FANCI: variants seen among roughly 807,000 people sequenced by gnomAD.
FANCI encodes FA complementation group I.
Under a neutral mutation model 176.1 loss-of-function variants are expected in FANCI, and 156 were observed. The ratio of observed to expected loss-of-function variants is 0.89; its 90% CI spans 0.78 to 1.01. FANCI has a LOEUF of 1.01. Ranked by LOEUF, FANCI falls within the 50% of genes least tolerant of loss-of-function variation. The pLI, the probability that FANCI is intolerant of heterozygous loss-of-function variation, is 0.00. For missense variants in FANCI, 1,678 were observed against 1,534.1 expected, an observed-to-expected ratio of 1.09 and a Z score of -1.57; for synonymous variants, 613 against 541.7, an observed-to-expected ratio of 1.13 and a Z score of -1.83.
In FANCI at chr15:89,293,149, T is replaced by TA. The variant is rs2054128546; in HGVS notation, c.2291+89dup. ...TTTACTGTAGCAGTATTCTAGGCAG[T>TA]AAACAGACCACAGACGATGACACTG... On this transcript the variant is annotated intron_variant, in intron 22 of 37. Coordinates refer to ENST00000310775, the MANE Select transcript of FANCI (RefSeq NM_001113378.2). The TA allele has an allele frequency of 6.3e-6, 9 of 1,424,820 alleles. No individual in the cohort carries two copies. The East Asian group carries it at 1.4e-4, about 22-fold the overall frequency. The allele number at this position is 1,424,820 out of a possible 1,614,324, so 88.3% of individuals were successfully genotyped here.
chr15:89,260,654 C>T (rs2052675242), intron 3 of FANCI, 59 bp from the exon 4 acceptor site: 18 of 1,596,406 alleles, frequency 1.1e-5, no homozygotes, highest in Non-Finnish European at 1.5e-5. Context: ...GTTCGTTTTT[C>T]CTATTTACCT....
intron 3 of FANCI, chr15:89,259,048 G>C: frequency 2.4e-6 from 1 of 422,708 alleles, no homozygotes; most frequent in Non-Finnish European, 4.4e-6. Flanking sequence ...TGGTTTACTT[G>C]TGCTTTTAAG....
At position 89,316,651 on chromosome 15, in the gene FANCI, C is replaced by T. The variant is rs770839560; in HGVS notation, c.*192C>T. 7.9e-5 allele frequency: 96 copies of T among 1,210,068 alleles called. No homozygotes were observed. The highest frequency in any genetic ancestry group is 1.1e-4 in the Non-Finnish European group (91 of 815,882). 75.0% of individuals were successfully genotyped at this position (1,210,068 alleles called of 1,614,324 possible). On this transcript the variant is annotated 3_prime_UTR_variant, in exon 38 of 38. Transcript: ENST00000310775. ...CTACTGAAAAATGGCTGGCCTTAGG[C>T]AAGCCCTTTTGCAAAAAGCACAGCT... is the stretch of plus-strand genomic sequence containing the variant.
At chr15:89,262,401 A>G (rs8040654) in intron 6 of FANCI, among the ~76,000 whole-genome samples, 56,731 of 151,930 alleles carry the variant, frequency 0.37, 10,724 homozygotes, top group Non-Finnish European at 0.39. Flanking sequence ...TGACCAGTAT[A>G]AGCATACAGT....
In FANCI at chr15:89,315,318, C is replaced by G; in HGVS notation, c.3853C>G (p.Arg1285Gly). ...GCAGCACATGAAGCTCAGCACCTCA[C>G]GAGACTTCAAGATCAAAGGAAACAT... ...LMQHMKLSTSRDFKIKGNILD... is the reference protein window; with the variant it reads ...LMQHMKLSTSGDFKIKGNILD... The change falls in exon 37 of 38, where the codon CGA becomes GGA. Residue 1285 changes from arginine to glycine, a missense_variant. Transcript: ENST00000310775. The G allele has an allele frequency of 6.2e-7, 1 of 1,613,936 alleles. No homozygotes were observed. Among genetic ancestry groups the G allele is most frequent in the Non-Finnish European group, 8.5e-7 (1 of 1,179,850 alleles).
intron 34 of FANCI, among the ~76,000 whole-genome samples, chr15:89,312,258 G>A (rs2054992973): frequency 6.6e-6 from 1 of 152,100 alleles, no homozygotes; most frequent in Non-Finnish European, 1.5e-5. Context: ...GAATATTCCT[G>A]CTACCACCTT....
intron 3 of FANCI, among the ~76,000 whole-genome samples, chr15:89,259,995 C>A (rs1040808796): frequency 6.6e-6 from 1 of 151,872 alleles, no homozygotes; most frequent in African/African-American, 2.4e-5. Context: ...GGATATATAT[C>A]TAGGAGTGGA....
intron 25 of FANCI, 81 bp from the exon 26 acceptor site, chr15:89,300,219 C>G (rs1555448905): frequency 1.4e-6 from 2 of 1,386,194 alleles, no homozygotes; most frequent in East Asian, 4.8e-5. Flanking sequence ...TTTTTTTTGG[C>G]TTTCAAAAAT....
At chr15:89,297,126 G>A (rs1295772482) in intron 24 of FANCI, among the ~76,000 whole-genome samples, 3 of 150,632 alleles carry the variant, frequency 2.0e-5, no homozygotes, top group Non-Finnish European at 3.0e-5. Context: ...CAGACGGGGC[G>A]GCTGCCGGGC....
intron 18 of FANCI, among the ~76,000 whole-genome samples, chr15:89,286,993 T>C (rs1003712157): frequency 6.8e-6 from 1 of 146,548 alleles, no homozygotes; most frequent in African/African-American, 2.6e-5. Flanking sequence ...TTTTTTTTTT[T>C]TTTTTGAGTC....
intron 35 of FANCI, 69 bp from the exon 36 acceptor site, chr15:89,314,543 G>T: frequency 1.7e-6 from 2 of 1,156,006 alleles, no homozygotes. Flanking sequence ...TTTTGTAAGT[G>T]ACAGCTTCAG....
chr15:89,299,848 G>A lies in FANCI; in HGVS notation c.2685G>A (p.Ser895=), dbSNP rs145665176. ...YTSIPTSVEE[S]GKKEKGKSIS... is the part of the protein sequence containing the mutation. ...CAATTCCTACTTCAGTGGAAGAGTC[G>A]GGAAAGAAAGAGAAAGGAAAGAGCA... The change falls in exon 25 of 38, where the codon TCG becomes TCA. Residue 895 remains serine, a synonymous_variant. Transcript: ENST00000310775. The A allele has an allele frequency of 7.8e-5, 126 of 1,613,782 alleles. No individual in the cohort carries two copies. Among genetic ancestry groups the A allele is most frequent in the Non-Finnish European group, 5.7e-5 (67 of 1,179,972 alleles).
Position 89,301,334 on chromosome 15 carries a change from GT to G in FANCI, c.2900del (p.Leu967Ter). ...FQIRQFQRSL[L>X]NLLSSQEEDF... ...GTGCCTTCCTTTCTCAGAGGTCCTT[GT>G]TGAATTTACTTAGCAGTCAAGAGGA... On this transcript the variant is annotated frameshift_variant, in exon 27 of 38. Coordinates refer to ENST00000310775, the MANE Select transcript of FANCI (RefSeq NM_001113378.2). LOFTEE classifies it high-confidence loss of function. The G allele has an allele frequency of 6.2e-7, 1 of 1,612,500 alleles. No individual in the cohort carries two copies. The highest frequency in any genetic ancestry group is 2.2e-5 in the East Asian group (1 of 44,864).
chr15:89,250,370 AATG>A (rs1448930478), intron 2 of FANCI, among the ~76,000 whole-genome samples: 2 of 152,212 alleles, frequency 1.3e-5, no homozygotes, highest in African/African-American at 4.8e-5. Flanking sequence ...AGCCATAAAA[AATG>A]ATGAGTTCAT....
At chr15:89,304,191 G>A (rs557219973) in intron 28 of FANCI, among the ~76,000 whole-genome samples, 9 of 152,234 alleles carry the variant, frequency 5.9e-5, no homozygotes, top group East Asian at 5.8e-4. Context: ...TCAACAATTC[G>A]AATCACAACA....
chr15:89,246,274 T>C (rs1202040159), intron 1 of FANCI, among the ~76,000 whole-genome samples: 1 of 152,208 alleles, frequency 6.6e-6, no homozygotes, highest in Non-Finnish European at 1.5e-5. Flanking sequence ...TACAGGTCTT[T>C]ATCATTTCCA....
At chr15:89,258,139 C>T (rs1401501046) in intron 2 of FANCI, among the ~76,000 whole-genome samples, 3 of 151,954 alleles carry the variant, frequency 2.0e-5, no homozygotes, top group African/African-American at 4.8e-5. Flanking sequence ...GGACATTGCA[C>T]GTGATCATAC....
intron 13 of FANCI, among the ~76,000 whole-genome samples, chr15:89,277,975 T>C (rs2053471491): frequency 6.6e-6 from 1 of 152,204 alleles, no homozygotes; most frequent in Non-Finnish European, 1.5e-5. Context: ...GAGTTATCAG[T>C]GTATTTGATG....
chr15:89,299,871 G>T lies in FANCI; in HGVS notation c.2708G>T (p.Ser903Ile), dbSNP rs1421890045. Residue 903 changes from serine (S) to isoleucine (I), a missense_variant, in exon 25 of 38, where the codon AGC becomes ATC. By Grantham distance (142) the Ser-to-Ile change is moderately radical. Coordinates refer to ENST00000310775, the MANE Select transcript of FANCI (RefSeq NM_001113378.2). Reference sequence around the variant, plus strand: ...TCGGGAAAGAAAGAGAAAGGAAAGAGCATCTCACTGCTGTGCTTGGAGGGT... The same window carrying T: ...TCGGGAAAGAAAGAGAAAGGAAAGATCATCTCACTGCTGTGCTTGGAGGGT... ...EESGKKEKGK[S>I]ISLLCLEGLQ... The T allele has an allele frequency of 6.2e-7, 1 of 1,614,040 alleles. No individual in the cohort carries two copies. The highest frequency in any genetic ancestry group is 8.5e-7 in the Non-Finnish European group (1 of 1,179,954).
Sources: gnomAD v4.1 joint callset for allele counts (sites outside exome capture counted in the v4.1 genomes callset) on GRCh38, gnomAD v4.1.1 for gene constraint, MANE v1.5 for transcripts, NCBI Gene and HGNC (gene_info 2026-07-23, HGNC 2026-07-21) for gene names.